COP1: variants seen among roughly 807,000 people sequenced by gnomAD.
COP1 encodes the protein E3 ubiquitin-protein ligase COP1.
In COP1, 24 loss-of-function variants were observed where a neutral mutation model predicts 101.3. The ratio of observed to expected loss-of-function variants is 0.24; its 90% CI spans 0.17 to 0.33. The LOEUF is 0.33. COP1 is among the 10% of genes least tolerant of loss of function. COP1 has a pLI of 1.00. For synonymous variants in COP1, 347 were observed against 341.9 expected (o/e 1.01, Z -0.17); for missense variants, 663 against 906.2 (o/e 0.73, Z 3.45).
In COP1 at chr1:176,163,830, G is replaced by C; in HGVS notation, c.627C>G (p.His209Gln). ...RFEEKRFKLD[H>Q]SVSSTNGHRW... ...TGAAACATACGGTGCTACTCACTGA[G>C]TGGTCCAATTTGAACCTCTTTTCCT... Residue 209 changes from histidine to glutamine, a missense_variant, in exon 4 of 20, where the codon CAC becomes CAG. By Grantham distance (24) the His-to-Gln change is conservative (BLOSUM62 0). Transcript: ENST00000367669. The C allele has an allele frequency of 6.2e-7, 1 of 1,601,638 alleles. No individual in the cohort carries two copies. Among genetic ancestry groups the C allele is most frequent in the Non-Finnish European group, 8.5e-7 (1 of 1,170,774 alleles).
chr1:176,005,946 G>C (rs1339079830), intron 15 of COP1, among the ~76,000 whole-genome samples: 1 of 152,040 alleles, frequency 6.6e-6, no homozygotes, highest in East Asian at 1.9e-4. Context: ...GTTGACAGTG[G>C]GGTGTTAAAT....
chr1:176,164,888 T>A (rs183302665), intron 3 of COP1, among the ~76,000 whole-genome samples: 1 of 152,220 alleles, frequency 6.6e-6, no homozygotes, highest in Non-Finnish European at 1.5e-5. Context: ...AGGCACTTTA[T>A]AGACAATATC....
chr1:175,956,936 T>G (rs1285658265), intron 18 of COP1, among the ~76,000 whole-genome samples: 2 of 151,974 alleles, frequency 1.3e-5, no homozygotes, highest in Admixed American at 1.3e-4. Context: ...GTTGATGAGC[T>G]TAACAAAAAA....
At chr1:175,998,075 A>G (rs1433580284) in intron 15 of COP1, among the ~76,000 whole-genome samples, 2 of 145,316 alleles carry the variant, frequency 1.4e-5, no homozygotes, top group African/African-American at 5.2e-5. Flanking sequence ...AAAAAAAAAA[A>G]AAAAAAAAAA....
At chr1:175,982,599 T>C (rs1410108156) in intron 18 of COP1, among the ~76,000 whole-genome samples, 1 of 152,210 alleles carries the variant, frequency 6.6e-6, no homozygotes, top group Non-Finnish European at 1.5e-5. Flanking sequence ...CAGTCAACAG[T>C]AGGCTATTAG....
chr1:175,981,876 T>C (rs1655948179), intron 18 of COP1, among the ~76,000 whole-genome samples: 1 of 152,138 alleles, frequency 6.6e-6, no homozygotes, highest in Admixed American at 6.5e-5. Flanking sequence ...CAAACAGGTA[T>C]ATGAAAAAAT....
At chr1:176,205,204 T>C (rs1230842196) in intron 1 of COP1, among the ~76,000 whole-genome samples, 2 of 152,102 alleles carry the variant, frequency 1.3e-5, no homozygotes, top group Non-Finnish European at 2.9e-5. Context: ...CTTTGTTTTA[T>C]TAGCTTATTA....
At chr1:176,018,637 AATTTC>A (rs907596155) in intron 15 of COP1, 2 of 152,172 alleles carry the variant, frequency 1.3e-5, no homozygotes, top group African/African-American at 2.4e-5. Flanking sequence ...GGGAAAAAAT[AATTTC>A]ATTTATTTTA....
chr1:175,947,121 GGT>G, intron 19 of COP1, 72 bp downstream of exon 19: 4 of 986,670 alleles, frequency 4.1e-6, no homozygotes, highest in Non-Finnish European at 6.5e-6. Flanking sequence ...TCAGTACAAT[GGT>G]GTATTTCTAT....
At position 176,144,819 on chromosome 1, in the gene COP1, TC is replaced by T. The variant is rs1287397649; in HGVS notation, c.831+4186del. ...TAAAGGATGCTTGGGCAGCTAGATA[TC>T]CATATGAAAATATCTCTATACCTCA... On this transcript the variant is annotated intron_variant, in intron 6 of 19. Coordinates refer to ENST00000367669, the MANE Select transcript of COP1 (RefSeq NM_022457.7). Among the ~76,000 whole-genome samples the T allele has an allele frequency of 2.0e-5, 3 of 152,208 alleles. No homozygotes were observed. The East Asian group carries it at 5.8e-4, about 29-fold the overall frequency.
intron 2 of COP1, among the ~76,000 whole-genome samples, chr1:176,181,462 T>A (rs189039468): frequency 6.6e-6 from 1 of 152,064 alleles, no homozygotes; most frequent in East Asian, 1.9e-4. Flanking sequence ...AAGCCTGATG[T>A]TGGAATTGAC....
intron 8 of COP1, 118 bp downstream of exon 8, chr1:176,134,892 T>C (rs1225371029): frequency 6.1e-6 from 4 of 653,212 alleles, no homozygotes; most frequent in Non-Finnish European, 8.0e-6. Context: ...TTCTAGATCA[T>C]GACCAAAGTA....
rs1687267131 is a variant in COP1, at chr1:176,122,266, CT to C, written c.969-5586del. 2.0e-5 allele frequency among the ~76,000 whole-genome samples: 3 copies of C among 152,142 alleles called. No homozygotes were observed. In the South Asian group the frequency reaches 6.2e-4, roughly 32 times the overall value. ...AATAAAAAACCTGGTCTGAACACAT[CT>C]GACATCATGTTTTAACGCTGAAATA... On this transcript the variant is annotated intron_variant, in intron 8 of 19. Coordinates refer to ENST00000367669, the MANE Select transcript of COP1 (RefSeq NM_022457.7).
chr1:176,011,064 A>G (rs1664573617), intron 15 of COP1, among the ~76,000 whole-genome samples: 1 of 152,316 alleles, frequency 6.6e-6, no homozygotes, highest in South Asian at 2.1e-4. Flanking sequence ...CTTTCTAATT[A>G]AAACAGATTT....
At chr1:175,961,377 G>T (rs1651323122) in intron 18 of COP1, among the ~76,000 whole-genome samples, 1 of 152,170 alleles carries the variant, frequency 6.6e-6, no homozygotes, top group African/African-American at 2.4e-5. Context: ...TTGGCATGAA[G>T]TTTATTAATT....
At chr1:176,057,596 C>A (rs527238472) in intron 11 of COP1, among the ~76,000 whole-genome samples, 4 of 152,284 alleles carry the variant, frequency 2.6e-5, no homozygotes, top group Non-Finnish European at 4.4e-5. Flanking sequence ...CTCGGCCTCC[C>A]GAGGTGCCGG....
chr1:176,040,993 A>G (rs1410926544), intron 14 of COP1, among the ~76,000 whole-genome samples: 1 of 152,238 alleles, frequency 6.6e-6, no homozygotes, highest in Non-Finnish European at 1.5e-5. Context: ...AAGGAAAAAC[A>G]GAAAACAGTG....
At chr1:176,013,716 A>G (rs1026220452) in intron 15 of COP1, among the ~76,000 whole-genome samples, 2 of 152,236 alleles carry the variant, frequency 1.3e-5, no homozygotes, top group Non-Finnish European at 2.9e-5. Flanking sequence ...TTTATACAAA[A>G]GGACCTTTTA....
chr1:176,049,161 A>G (rs1353255373), intron 11 of COP1, among the ~76,000 whole-genome samples: 1 of 137,268 alleles, frequency 7.3e-6, no homozygotes, highest in Admixed American at 7.7e-5. Context: ...CCTGGGCAAC[A>G]GAGCGAGACT....
Sources: allele counts gnomAD v4.1 joint callset (sites outside exome capture counted in the v4.1 genomes callset), GRCh38; gene constraint gnomAD v4.1.1; transcripts MANE v1.5; gene names NCBI Gene and HGNC (gene_info 2026-07-23, HGNC 2026-07-21).